CDH6: variants seen among roughly 807,000 people sequenced by gnomAD.
The protein encoded by CDH6 is cadherin 6, also known as cadherin-6.
A neutral mutation model predicts 78.0 loss-of-function variants in CDH6; 31 were observed. The observed-to-expected ratio is 0.40, with a 90% CI of 0.30 to 0.54. The LOEUF is 0.54. Among genes scored for constraint, CDH6 ranks in the 20% least tolerant of loss-of-function variants. The pLI, the probability that CDH6 is intolerant of heterozygous loss-of-function variation, is 0.56. For synonymous variants in CDH6, 376 were observed against 368.8 expected, an observed-to-expected ratio of 1.02 and a Z score of -0.23; for missense variants, 724 against 975.9, an observed-to-expected ratio of 0.74 and a Z score of 3.44.
intron 6 of CDH6, 56 bp downstream of exon 6, chr5:31,302,354 C>G (rs989289316): frequency 6.3e-6 from 8 of 1,276,370 alleles, no homozygotes; most frequent in East Asian, 4.7e-5. Flanking sequence ...TTCTCCAGTT[C>G]CTAAGTTACC....
At chr5:31,266,916 AC>A (rs1469788896) in intron 1 of CDH6, among the ~76,000 whole-genome samples, 1 of 152,212 alleles carries the variant, frequency 6.6e-6, no homozygotes, top group Non-Finnish European at 1.5e-5. Flanking sequence ...CAAAATTTCA[AC>A]ATTATCCACT....
In CDH6 at chr5:31,307,049, G is replaced by A. The variant is rs532262260; in HGVS notation, c.1253+1622G>A. 1.3e-4 allele frequency among the ~76,000 whole-genome samples: 20 copies of A among 152,194 alleles called. No homozygotes were observed. The East Asian group carries it at 1.4e-3, about 10-fold the overall frequency. On this transcript the variant is annotated intron_variant, in intron 7 of 11. Coordinates refer to ENST00000265071, the MANE Select transcript of CDH6 (RefSeq NM_004932.4). ...TTGAAAGAACAGCGAGGAGGCCTCC[G>A]CAGCTGGAAGAGAGTGAGAGAGGGA...
chr5:31,288,360 T>C (rs1052334788), intron 2 of CDH6, among the ~76,000 whole-genome samples: 1 of 152,206 alleles, frequency 6.6e-6, no homozygotes, highest in Non-Finnish European at 1.5e-5. Context: ...TCATATGGAA[T>C]TTTATTAAAA....
rs1220149918 is a variant in CDH6, at chr5:31,291,082, T to G, written c.229-2880T>G. Among the ~76,000 whole-genome samples, 5 of 152,148 alleles carry G rather than the reference T, an allele frequency of 3.3e-5. No homozygotes were observed. In the East Asian group the frequency reaches 9.6e-4, roughly 29 times the overall value. The stretch of plus-strand genomic sequence containing the variant: ...CCAGATGTGGAATTCACCTATTAAG[T>G]GTGCAACAATTACATACTGAAACCG... On this transcript the variant is annotated intron_variant, in intron 2 of 11. Transcript: ENST00000265071.
chr5:31,227,474 T>C lies in CDH6; in HGVS notation c.-129+33588T>C, dbSNP rs1268636402. 2.6e-5 allele frequency among the ~76,000 whole-genome samples: 4 copies of C among 152,198 alleles called. No individual in the cohort carries two copies. The East Asian group carries it at 7.7e-4, about 29-fold the overall frequency. On this transcript the variant is annotated intron_variant, in intron 1 of 11. Coordinates refer to ENST00000265071, the MANE Select transcript of CDH6 (RefSeq NM_004932.4). ...GCATATACATTTTGAAGTTATTTGC[T>C]TTATAGTTTTTGGGAGTTCAGAAGA...
intron 1 of CDH6, among the ~76,000 whole-genome samples, chr5:31,245,620 G>A (rs560197644): frequency 5.9e-5 from 9 of 152,220 alleles, no homozygotes; most frequent in South Asian, 4.2e-4. Flanking sequence ...TTAACTCATC[G>A]GAATGGCAGA....
intron 11 of CDH6, among the ~76,000 whole-genome samples, chr5:31,322,111 C>G (rs561526839): frequency 2.4e-4 from 37 of 152,270 alleles, no homozygotes; most frequent in Admixed American, 5.2e-4. Flanking sequence ...TAAAAAATCT[C>G]ACTTACATGT....
rs1561076502 is a variant in CDH6 at position 31,323,900 on chromosome 5, T to C, written c.*592T>C. 1 of 229,438 alleles carries C rather than the reference T, an allele frequency of 4.4e-6. No homozygotes were observed. The highest frequency in any genetic ancestry group is 8.6e-6 in the Non-Finnish European group (1 of 115,796). The allele number at this position is 229,438 out of a possible 1,614,324, so 14.2% of individuals were successfully genotyped here. A position where few individuals can be genotyped will look rare whatever the true frequency, so the allele number is the denominator to read the frequency against. ...CATATGTTAAAATTCTCATTACTCT[T>C]AAGGAATAGAAGCAAATTAAACGGT... is the stretch of plus-strand genomic sequence containing the variant. On this transcript the variant is annotated 3_prime_UTR_variant, in exon 12 of 12. Transcript: ENST00000265071.
At chr5:31,194,486 A>T (rs1354017884) in intron 1 of CDH6, among the ~76,000 whole-genome samples, 1 of 152,204 alleles carries the variant, frequency 6.6e-6, no homozygotes, top group Non-Finnish European at 1.5e-5. Context: ...TGGCTGGTAG[A>T]AGGAGCTAAA....
intron 6 of CDH6, among the ~76,000 whole-genome samples, chr5:31,302,627 C>T (rs116808284): frequency 0.058 from 8,497 of 147,476 alleles, 259 homozygotes; most frequent in South Asian, 0.11. Context: ...GCAAGAGGAT[C>T]GCTTGAGCCT....
rs1561075636 is a variant in CDH6, at chr5:31,322,854, GA to G, written c.1926del (p.Glu643SerfsTer3). 1 of 1,613,646 alleles carries G rather than the reference GA, an allele frequency of 6.2e-7. No homozygotes were observed. The highest frequency in any genetic ancestry group is 8.5e-7 in the Non-Finnish European group (1 of 1,179,796). ...VVLFAALRRQ[R>X]KKEPLIISKE... ...CTGTTTGCAGCTCTGAGGCGGCAGC[GA>G]AAAAAAGAGCCTTTGATCATTTCCA... On this transcript the variant is annotated frameshift_variant, in exon 12 of 12. Coordinates refer to ENST00000265071, the MANE Select transcript of CDH6 (RefSeq NM_004932.4). LOFTEE classifies it high-confidence loss of function.
At chr5:31,277,004 A>T (rs192976013) in intron 2 of CDH6, among the ~76,000 whole-genome samples, 1 of 152,320 alleles carries the variant, frequency 6.6e-6, no homozygotes, top group Non-Finnish European at 1.5e-5. Context: ...GCCAAAGGTG[A>T]ACAGGTGATC....
At chr5:31,280,811 GA>G (rs942769644) in intron 2 of CDH6, among the ~76,000 whole-genome samples, 2 of 149,608 alleles carry the variant, frequency 1.3e-5, no homozygotes, top group African/African-American at 2.5e-5. Flanking sequence ...AGGAGGAGAA[GA>G]AAAAGGACAA....
intron 1 of CDH6, among the ~76,000 whole-genome samples, chr5:31,198,296 C>A (rs1159354461): frequency 6.6e-6 from 1 of 152,200 alleles, no homozygotes; most frequent in African/African-American, 2.4e-5. Flanking sequence ...CCATTGGGTG[C>A]TGGTTTCTTC....
At chr5:31,243,479 C>T (rs1175559773) in intron 1 of CDH6, among the ~76,000 whole-genome samples, 8 of 152,172 alleles carry the variant, frequency 5.3e-5, no homozygotes, top group South Asian at 2.1e-4. Flanking sequence ...ATAGTTCTTT[C>T]AATTTCTACT....
At chr5:31,280,243 T>C (rs1196276515) in intron 2 of CDH6, among the ~76,000 whole-genome samples, 1 of 152,240 alleles carries the variant, frequency 6.6e-6, no homozygotes, top group African/African-American at 2.4e-5. Flanking sequence ...CAGAGTTTCA[T>C]GGCAGAAAAC....
chr5:31,321,076 G>A (rs762095824), intron 11 of CDH6, among the ~76,000 whole-genome samples: 3 of 150,914 alleles, frequency 2.0e-5, no homozygotes, highest in Non-Finnish European at 4.4e-5. Flanking sequence ...GCTCTTTCAT[G>A]TTCATATTGC....
chr5:31,302,534 C>CA (rs1737795193), intron 6 of CDH6: 1 of 355,988 alleles, frequency 2.8e-6, no homozygotes, highest in African/African-American at 2.0e-5. Flanking sequence ...ACCAACATGG[C>CA]AAAACCTATC....
At chr5:31,286,186 G>A (rs953206035) in intron 2 of CDH6, among the ~76,000 whole-genome samples, 6 of 152,124 alleles carry the variant, frequency 3.9e-5, no homozygotes, top group Non-Finnish European at 8.8e-5. Context: ...CTGTATATCA[G>A]GCTCTGAGGA....
Sources: allele counts gnomAD v4.1 joint callset (sites outside exome capture counted in the v4.1 genomes callset), GRCh38; gene constraint gnomAD v4.1.1; transcripts MANE v1.5; gene names NCBI Gene and HGNC (gene_info 2026-07-23, HGNC 2026-07-21).